RNASE9: variants seen among roughly 807,000 people sequenced by gnomAD.
The protein encoded by RNASE9 is ribonuclease A family member 9 (inactive).
For missense variants in RNASE9, 263 were observed against 247.1 expected (o/e 1.06, Z -0.43); for synonymous variants, 95 against 87.6 (o/e 1.08, Z -0.47).
chr14:20,556,824 G>A lies in RNASE9; in HGVS notation c.246C>T (p.Tyr82=), dbSNP rs141373107. ...TTTTTCCCATGATTTCATGGTTACA[G>A]TACTCTATATGATTTAGTGGCATTC... The change falls in exon 3 of 3, where the codon TAC becomes TAT. Residue 82 remains tyrosine (Y), a synonymous_variant. Coordinates refer to ENST00000555230, the Ensembl canonical transcript of RNASE9. 5.6e-6 allele frequency: 9 copies of A among 1,613,856 alleles called. No homozygotes were observed. In the African/African-American group the frequency reaches 1.1e-4, roughly 19 times the overall value.
exon 3 of RNASE9, chr14:20,556,172 A>G: frequency 5.7e-6 from 2 of 350,622 alleles, no homozygotes; most frequent in Non-Finnish European, 5.2e-6. Context: ...TCAGGCAACC[A>G]TTTCCTTTTC....
chr14:20,558,805 A>G (rs1403630398), intron 2 of RNASE9: 1 of 571,244 alleles, frequency 1.8e-6, no homozygotes, highest in East Asian at 2.8e-5. Flanking sequence ...TTATGAATTC[A>G]ACTTTTGGTT....
chr14:20,556,448 T>A, exon 3 of RNASE9: 1 of 1,592,636 alleles, frequency 6.3e-7, no homozygotes, highest in Non-Finnish European at 8.6e-7. Context: ...CAGAGAACGC[T>A]CTGCTAGGGC....
At chr14:20,560,890 A>G (rs1883928163) in exon 1 of RNASE9, 1 of 152,206 alleles carries the variant, frequency 6.6e-6, no homozygotes, top group Admixed American at 6.5e-5. Flanking sequence ...TGCAAGAGGC[A>G]CTATGTTGAC....
exon 3 of RNASE9, chr14:20,556,365 G>T: frequency 9.7e-7 from 1 of 1,029,594 alleles, no homozygotes; most frequent in Non-Finnish European, 1.4e-6. Context: ...GTGAATGGAA[G>T]CAAAATTACC....
At chr14:20,559,902 C>G (rs576748114) in intron 1 of RNASE9, among the ~76,000 whole-genome samples, 1 of 152,142 alleles carries the variant, frequency 6.6e-6, no homozygotes, top group Non-Finnish European at 1.5e-5. Context: ...CTTTTCTTCC[C>G]TGCTTTTAAA....
At chr14:20,561,043 G>C (rs931863917), upstream of RNASE9, 1 of 152,166 alleles carries the variant, frequency 6.6e-6, no homozygotes, top group African/African-American at 2.4e-5. Flanking sequence ...TGTAATGACA[G>C]AGTCAATCAC....
exon 3 of RNASE9, chr14:20,556,823 A>G (rs761989784): frequency 3.6e-5 from 58 of 1,613,986 alleles, no homozygotes; most frequent in Non-Finnish European, 4.8e-5. Context: ...TCATGGTTAC[A>G]GTACTCTATA....
At chr14:20,557,800 A>G (rs1306264855) in exon 3 of RNASE9, 1 of 152,948 alleles carries the variant, frequency 6.5e-6, no homozygotes. Flanking sequence ...AAACAACCCT[A>G]TAATAAATAT....
chr14:20,556,562 A>G, exon 3 of RNASE9: 2 of 1,613,978 alleles, frequency 1.2e-6, no homozygotes, highest in Non-Finnish European at 1.7e-6. Context: ...TCATTTTGCC[A>G]TGAACAAGTG....
intron 2 of RNASE9, among the ~76,000 whole-genome samples, chr14:20,559,338 A>G (rs1883854775): frequency 6.6e-6 from 1 of 152,144 alleles, no homozygotes; most frequent in Non-Finnish European, 1.5e-5. Flanking sequence ...GCGGAGACAA[A>G]CACAAAGTAG....
chr14:20,558,654 G>C (rs759056884), intron 2 of RNASE9: 28 of 1,410,336 alleles, frequency 2.0e-5, no homozygotes, highest in Admixed American at 1.4e-4. Context: ...TCTTGATCTG[G>C]AGAGAACATG....
chr14:20,558,357 A>T, exon 3 of RNASE9: 1 of 652,028 alleles, frequency 1.5e-6, no homozygotes. Flanking sequence ...GAATTAAAGA[A>T]AGGTGGGTGT....
In RNASE9 at chr14:20,556,426, A is replaced by T. The variant is rs75346012; in HGVS notation, c.*26T>A. 5,250 of 1,506,636 alleles carry T rather than the reference A, an allele frequency of 3.5e-3. 136 individuals are homozygous for T. In the African/African-American group the frequency reaches 0.062, roughly 18 times the overall value. The allele number at this position is 1,506,636 out of a possible 1,614,324, so 93.3% of individuals were successfully genotyped here. On this transcript the variant is annotated 3_prime_UTR_variant, in exon 3 of 3. Transcript: ENST00000555230. ...CAGTATGGAGAGAAATATTCCTCCC[A>T]CCCTAAGCTCTCAGAGAACGCTCTG...
chr14:20,560,750 T>A (rs1209565302), intron 1 of RNASE9, 124 bp downstream of exon 1: 1 of 152,110 alleles, frequency 6.6e-6, no homozygotes, highest in Non-Finnish European at 1.5e-5. Context: ...TTTTAGATCA[T>A]CTGAGAAACA....
In RNASE9 at chr14:20,556,291, GAAC is replaced by G. The variant is rs1163535313; in HGVS notation, c.*158_*160del. The G allele has an allele frequency of 5.0e-6, 3 of 596,864 alleles. No homozygotes were observed. In the African/African-American group the frequency reaches 5.5e-5, roughly 11 times the overall value. 37.0% of individuals were successfully genotyped at this position (596,864 alleles called of 1,614,324 possible). ...GACCACATCTCAGAGCACCGTCTGT[GAAC>G]CTAGCCTAAGGTGCTTTTGTGAGGT... On this transcript the variant is annotated 3_prime_UTR_variant, in exon 3 of 3. Coordinates refer to ENST00000555230, the Ensembl canonical transcript of RNASE9.
chr14:20,558,552 C>T, exon 3 of RNASE9: 1 of 1,549,536 alleles, frequency 6.5e-7, no homozygotes, highest in South Asian at 1.2e-5. Flanking sequence ...TCATCAGTGT[C>T]CTCCAGGAAG....
At chr14:20,558,659 A>G in intron 2 of RNASE9, 1 of 1,385,882 alleles carries the variant, frequency 7.2e-7, no homozygotes, top group Non-Finnish European at 1.0e-6. Context: ...ATCTGGAGAG[A>G]ACATGGACAG....
chr14:20,560,473 G>C (rs1161183416), intron 1 of RNASE9: 1 of 151,708 alleles, frequency 6.6e-6, no homozygotes, highest in Non-Finnish European at 1.5e-5. Flanking sequence ...AGAATTCTAA[G>C]TTGCAATAAT....
Sources: allele counts gnomAD v4.1 joint callset (sites outside exome capture counted in the v4.1 genomes callset), GRCh38; gene constraint gnomAD v4.1.1; transcripts MANE v1.5; gene names NCBI Gene and HGNC (gene_info 2026-07-23, HGNC 2026-07-21).